MRTFA: variants seen among roughly 807,000 people sequenced by gnomAD.
The protein encoded by MRTFA is myocardin-related transcription factor A.
MRTFA carries 20 observed loss-of-function variants against 83.5 expected under a neutral mutation model. The observed-to-expected ratio is 0.24, with a 90% CI of 0.17 to 0.35. MRTFA has a LOEUF of 0.35. Ranked by LOEUF, MRTFA falls within the 10% of genes least tolerant of loss-of-function variation. The probability of loss-of-function intolerance (pLI) is 1.00; values close to 1 mark genes in which losing one functional copy is unlikely to be tolerated. For missense variants in MRTFA, 1,200 were observed against 1,224.7 expected (o/e 0.98, Z 0.30); for synonymous variants, 659 against 541.2 (o/e 1.22, Z -3.02).
At chr22:40,610,013 C>A (rs2056367571) in intron 1 of MRTFA, among the ~76,000 whole-genome samples, 1 of 149,904 alleles carries the variant, frequency 6.7e-6, no homozygotes, top group Non-Finnish European at 1.5e-5. Context: ...CACATACATG[C>A]AATTCCAAAT....
chr22:40,449,243 G>T (rs1315587147), intron 4 of MRTFA, among the ~76,000 whole-genome samples: 1 of 150,328 alleles, frequency 6.7e-6, no homozygotes, highest in Non-Finnish European at 1.5e-5. Flanking sequence ...CTCCAGCCTG[G>T]GTGACAGAAC....
chr22:40,417,005 G>A lies in MRTFA; in HGVS notation c.2559C>T (p.Asp853=). 1 of 1,598,444 alleles carries A rather than the reference G, an allele frequency of 6.3e-7. No homozygotes were observed. Among genetic ancestry groups the A allele is most frequent in the Non-Finnish European group, 8.5e-7 (1 of 1,172,596 alleles). Residue 853 remains aspartate (D), a synonymous_variant, in exon 14 of 15, where the codon GAC becomes GAT. Transcript: ENST00000355630. ...GGTTACCTCCGCTCTGAATGAGAAT[G>A]TCAAACAGGTCGTCCATCTGCTGGC... is the stretch of plus-strand genomic sequence containing the variant.
At chr22:40,600,911 G>T (rs141685904) in intron 1 of MRTFA, among the ~76,000 whole-genome samples, 2 of 152,292 alleles carry the variant, frequency 1.3e-5, no homozygotes, top group Non-Finnish European at 2.9e-5. Context: ...GAAGGTGGAG[G>T]TTGCAGTGAG....
chr22:40,440,146 C>T (rs961600598), intron 4 of MRTFA, among the ~76,000 whole-genome samples: 20 of 133,954 alleles, frequency 1.5e-4, no homozygotes, highest in African/African-American at 5.2e-4. Context: ...AGTGAGACTC[C>T]GTCTCAAAAA....
At chr22:40,473,245 G>T (rs2053944315) in intron 3 of MRTFA, among the ~76,000 whole-genome samples, 1 of 152,102 alleles carries the variant, frequency 6.6e-6, no homozygotes, top group Non-Finnish European at 1.5e-5. Flanking sequence ...CCGCAGCCTT[G>T]ACCCACCAGG....
At chr22:40,509,465 C>G (rs1175799012) in intron 3 of MRTFA, among the ~76,000 whole-genome samples, 1 of 152,176 alleles carries the variant, frequency 6.6e-6, no homozygotes, top group Non-Finnish European at 1.5e-5. Context: ...TCCCCATAGC[C>G]GAAAGAGGTT....
chr22:40,430,613 C>G (rs925879109), intron 6 of MRTFA, among the ~76,000 whole-genome samples: 59 of 152,032 alleles, frequency 3.9e-4, no homozygotes, highest in African/African-American at 1.4e-3. Flanking sequence ...AACCACAGCA[C>G]TTTGGGAGGC....
chr22:40,483,185 C>T (rs1433766082), intron 3 of MRTFA, among the ~76,000 whole-genome samples: 1 of 151,904 alleles, frequency 6.6e-6, no homozygotes, highest in Admixed American at 6.6e-5. Flanking sequence ...CTCAGCCTCC[C>T]AAATAGCTAG....
chr22:40,570,577 CA>C (rs894548892), intron 2 of MRTFA, among the ~76,000 whole-genome samples: 392 of 23,116 alleles, frequency 0.017, 2 homozygotes, highest in African/African-American at 0.041. Context: ...GACTCTGTCT[CA>C]AAAAAAAAAA....
At chr22:40,606,970 C>T (rs996744703) in intron 1 of MRTFA, among the ~76,000 whole-genome samples, 1 of 152,196 alleles carries the variant, frequency 6.6e-6, no homozygotes, top group African/African-American at 2.4e-5. Flanking sequence ...CTCAGCAACA[C>T]ATACATACAA....
In MRTFA at chr22:40,419,169, T is replaced by C. The variant is rs1228170231; in HGVS notation, c.1569A>G (p.Ala523=). The C allele has an allele frequency of 6.3e-7, 1 of 1,584,864 alleles. No individual in the cohort carries two copies. Among genetic ancestry groups the C allele is most frequent in the African/African-American group, 1.4e-5 (1 of 73,968 alleles). Reference sequence around the variant, plus strand: ...CCACCTCAGCTGGAGCCAGGCCTGCTGCCACCAGGGCTGGCCCCGTGCTCA... The same window carrying C: ...CCACCTCAGCTGGAGCCAGGCCTGCCGCCACCAGGGCTGGCCCCGTGCTCA... The change falls in exon 12 of 15, where the codon GCA becomes GCG. Residue 523 remains alanine, a synonymous_variant. Coordinates refer to ENST00000355630, the MANE Select transcript of MRTFA (RefSeq NM_020831.6).
At chr22:40,531,092 G>A (rs2055071419) in intron 3 of MRTFA, among the ~76,000 whole-genome samples, 1 of 151,972 alleles carries the variant, frequency 6.6e-6, no homozygotes, top group Admixed American at 6.6e-5. Flanking sequence ...CACCAGCAGT[G>A]AGGAGGATGA....
chr22:40,423,751 A>G, intron 8 of MRTFA, 66 bp from the exon 9 acceptor site: 4 of 1,404,524 alleles, frequency 2.8e-6, no homozygotes, highest in Non-Finnish European at 2.8e-6. Flanking sequence ...GCCTGCCCTG[A>G]CCCTACACAG....
At chr22:40,560,367 A>C (rs1439485384) in intron 2 of MRTFA, among the ~76,000 whole-genome samples, 1 of 152,244 alleles carries the variant, frequency 6.6e-6, no homozygotes, top group Non-Finnish European at 1.5e-5. Context: ...CAGAAGTCAT[A>C]TACAAGCACT....
intron 1 of MRTFA, among the ~76,000 whole-genome samples, chr22:40,596,905 G>A (rs1385177415): frequency 6.6e-6 from 1 of 151,340 alleles, no homozygotes; most frequent in Non-Finnish European, 1.5e-5. Context: ...AACCTGGGAG[G>A]TGGAGGTTGC....
intron 14 of MRTFA, 141 bp from the exon 15 acceptor site, chr22:40,412,048 A>T: frequency 1.6e-6 from 1 of 622,208 alleles, no homozygotes; most frequent in Non-Finnish European, 2.5e-6. Context: ...TGTAAGAGCT[A>T]AGACTATAAA....
chr22:40,460,449 G>A (rs554785789), intron 4 of MRTFA, among the ~76,000 whole-genome samples: 1 of 152,278 alleles, frequency 6.6e-6, no homozygotes, highest in Admixed American at 6.5e-5. Flanking sequence ...ACAGTTAGTA[G>A]CCCATGTGTC....
At chr22:40,445,827 C>T (rs902938448) in intron 4 of MRTFA, among the ~76,000 whole-genome samples, 2 of 152,156 alleles carry the variant, frequency 1.3e-5, no homozygotes, top group Admixed American at 1.3e-4. Flanking sequence ...GGATTACAGG[C>T]GTGAGCCACC....
chr22:40,421,062 G>A lies in MRTFA; in HGVS notation c.966C>T (p.Arg322=). The change falls in exon 10 of 15, where the codon CGC becomes CGT. Residue 322 remains arginine, a synonymous_variant. Transcript: ENST00000355630. Reference sequence around the variant, plus strand: ...GCTTCAGCTCCTTGGCCTTCTTGCTGCGCTGTGACTTCTCACTGGCAGACT... The same window carrying A: ...GCTTCAGCTCCTTGGCCTTCTTGCTACGCTGTGACTTCTCACTGGCAGACT... 1 of 1,548,754 alleles carries A rather than the reference G, an allele frequency of 6.5e-7. No individual in the cohort carries two copies. The highest frequency in any genetic ancestry group is 8.7e-7 in the Non-Finnish European group (1 of 1,145,000).
Sources: gnomAD v4.1 joint callset for allele counts (sites outside exome capture counted in the v4.1 genomes callset) on GRCh38, gnomAD v4.1.1 for gene constraint, MANE v1.5 for transcripts, NCBI Gene and HGNC (gene_info 2026-07-23, HGNC 2026-07-21) for gene names.